The following ITGB4 variants were observed in gnomAD, a reference collection of about 807,000 sequenced individuals.
ITGB4 encodes the protein integrin beta-4.
ITGB4 carries 159 observed loss-of-function variants against 207.6 expected under a neutral mutation model. The observed-to-expected ratio is 0.77, with a 90% CI of 0.67 to 0.87. ITGB4 has a LOEUF of 0.87. ITGB4 is among the 40% of genes least tolerant of loss of function. The pLI is 0.00. For synonymous variants in ITGB4, 1,020 were observed against 1,062.7 expected, an observed-to-expected ratio of 0.96 and a Z score of 0.78; for missense variants, 2,278 against 2,546.8, an observed-to-expected ratio of 0.89 and a Z score of 2.27.
chr17:75,754,495 G>C (rs2061440329), intron 33 of ITGB4, 81 bp from the exon 34 acceptor site: 2 of 1,582,672 alleles, frequency 1.3e-6, no homozygotes, highest in Admixed American at 3.3e-5. Context: ...TGGGTGACCA[G>C]GAATGTGCAG....
chr17:75,746,833 C>T (rs988273136), intron 26 of ITGB4, among the ~76,000 whole-genome samples: 8 of 146,472 alleles, frequency 5.5e-5, no homozygotes, highest in African/African-American at 2.0e-4. Flanking sequence ...CCCAGCTACT[C>T]GGGAGGCTGA....
At position 75,727,388 on chromosome 17, in the gene ITGB4, CT is replaced by C. The variant is rs2060743097; in HGVS notation, c.163-15del. 1 of 1,613,860 alleles carries C rather than the reference CT, an allele frequency of 6.2e-7. No individual in the cohort carries two copies. On this transcript the variant is annotated splice_polypyrimidine_tract_variant and intron_variant, in intron 3 of 39. Transcript: ENST00000200181. This position sits in a 1 kb window ranked among gnomAD's most constrained non-coding sequence, Gnocchi z 6.0. Reference sequence around the variant, plus strand: ...AATGGGTGCTGCCCCCAGTGACCCCCTGTCCTTCTGGCCAGATGTTCAGGGA... The same window carrying C: ...AATGGGTGCTGCCCCCAGTGACCCCCGTCCTTCTGGCCAGATGTTCAGGGA...
intron 6 of ITGB4, among the ~76,000 whole-genome samples, 196 bp downstream of exon 6, chr17:75,728,669 C>T (rs1007127023): frequency 2.0e-5 from 3 of 152,104 alleles, no homozygotes; most frequent in African/African-American, 7.2e-5. Context: ...GGCAACATGG[C>T]AAAACCCCAT....
At chr17:75,733,385 CA>C (rs35350305) in intron 12 of ITGB4, 104 bp from the exon 13 acceptor site, 15,986 of 790,778 alleles carry the variant, frequency 0.02, 261 homozygotes, top group African/African-American at 0.1. Context: ...GACTCCGTCT[CA>C]AAAAAAAAAA....
Position 75,757,107 on chromosome 17 carries a change from G to T in ITGB4, c.5218G>T (p.Gly1740Ter). The change falls in exon 38 of 40, where the codon GGA (glycine) becomes TGA (stop). Residue 1740 changes from glycine (G) to a stop codon, truncating the protein, a stop_gained and splice_region_variant. Coordinates refer to ENST00000200181, the MANE Select transcript of ITGB4 (RefSeq NM_000213.5). LOFTEE classifies it high-confidence loss of function. ...GIITIESQDG[G>*]PFPQLGSRAG... ...CATCACCATAGAGTCCCAGGATGGA[G>T]GTAGGCACCTGTCCTTTCCTTCACC... 6.2e-7 allele frequency: 1 copy of T among 1,612,974 alleles called. No homozygotes were observed. The highest frequency in any genetic ancestry group is 1.7e-5 in the Admixed American group (1 of 60,002).
chr17:75,724,963 G>A (rs1304199235), intron 2 of ITGB4, among the ~76,000 whole-genome samples, 181 bp downstream of exon 2: 1 of 152,242 alleles, frequency 6.6e-6, no homozygotes, highest in African/African-American at 2.4e-5. Flanking sequence ...AGAGAAGCTT[G>A]AGCCCTGACC....
At chr17:75,757,350 CA>C (rs780652046) in intron 39 of ITGB4, 40 bp downstream of exon 39, 2 of 1,612,596 alleles carry the variant, frequency 1.2e-6, no homozygotes, top group East Asian at 4.5e-5. Context: ...TCTCCTGGGA[CA>C]GGGAGCTAGC....
chr17:75,743,294 A>G (rs2410801), intron 25 of ITGB4, among the ~76,000 whole-genome samples: 116,315 of 152,036 alleles, frequency 0.77, 45,389 homozygotes, highest in East Asian at 0.9. Flanking sequence ...GTGCAATGGC[A>G]CCATCTTGGC....
At chr17:75,725,886 C>T (rs1445904906) in intron 2 of ITGB4, among the ~76,000 whole-genome samples, 3 of 152,214 alleles carry the variant, frequency 2.0e-5, no homozygotes, top group African/African-American at 7.2e-5. Context: ...GTGGTCTCGC[C>T]GTGAGGCACA....
rs975646773 is a variant in ITGB4 at position 75,729,503 on chromosome 17, T to C, written c.738+67T>C. ...AGCACTTCTGGGCAAGGGCCTGAGCTGCCCCCTGGCCTGCTCTGGTGCCAG... is the reference window on the plus strand; with the variant it reads ...AGCACTTCTGGGCAAGGGCCTGAGCCGCCCCCTGGCCTGCTCTGGTGCCAG... On this transcript the variant is annotated intron_variant, in intron 7 of 39. Transcript: ENST00000200181. This position sits in a 1 kb window ranked among gnomAD's most constrained non-coding sequence, Gnocchi z 4.4. The C allele has an allele frequency of 1.3e-6, 2 of 1,533,884 alleles. No individual in the cohort carries two copies. The highest frequency in any genetic ancestry group is 1.4e-5 in the African/African-American group (1 of 73,314).
chr17:75,735,922 C>T (rs981296281), intron 13 of ITGB4, 129 bp from the exon 14 acceptor site: 20 of 837,242 alleles, frequency 2.4e-5, no homozygotes, highest in Non-Finnish European at 3.9e-5. Flanking sequence ...GAAGAGATGA[C>T]TTCTACCCCA....
chr17:75,724,811 C>T (rs777907200), intron 2 of ITGB4, 29 bp downstream of exon 2: 3 of 1,581,368 alleles, frequency 1.9e-6, no homozygotes, highest in South Asian at 1.1e-5. Flanking sequence ...GCAGCCCCCT[C>T]CTGGCAGGAT....
chr17:75,751,262 C>T (rs1435547431), intron 30 of ITGB4, 151 bp downstream of exon 30: 1 of 983,784 alleles, frequency 1.0e-6, no homozygotes, highest in African/African-American at 1.6e-5. Context: ...CCTGAGGCAT[C>T]TTTAGGGTTT....
intron 13 of ITGB4, among the ~76,000 whole-genome samples, chr17:75,734,750 T>G (rs1398499707): frequency 1.3e-5 from 2 of 152,176 alleles, no homozygotes; most frequent in Non-Finnish European, 2.9e-5. Context: ...CTGAGTGTGC[T>G]CAGAGAAACA....
intron 32 of ITGB4, 66 bp from the exon 33 acceptor site, chr17:75,753,699 C>A (rs969988812): frequency 1.8e-4 from 206 of 1,131,056 alleles, no homozygotes; most frequent in Non-Finnish European, 1.9e-4. Context: ...ACGGCCTTCC[C>A]CCGCCTGGCC....
chr17:75,742,805 G>T lies in ITGB4; in HGVS notation c.2962+44G>T. The T allele has an allele frequency of 6.4e-7, 1 of 1,563,856 alleles. No homozygotes were observed. Among genetic ancestry groups the T allele is most frequent in the South Asian group, 1.1e-5 (1 of 88,560 alleles). ...AGTGGGGAAGGCAGACGGGGGCTCG[G>T]GGGCACTGGTTCCTCCTGCTTAAGT... On this transcript the variant is annotated intron_variant, in intron 25 of 39. Transcript: ENST00000200181. This position sits in a 1 kb window ranked among gnomAD's most constrained non-coding sequence, Gnocchi z 5.9.
rs1479775424 is a variant in ITGB4, at chr17:75,732,274, C to G, written c.1454+35C>G. 1.9e-6 allele frequency: 3 copies of G among 1,597,504 alleles called. No homozygotes were observed. Among genetic ancestry groups the G allele is most frequent in the Non-Finnish European group, 2.6e-6 (3 of 1,165,274 alleles). ...GAAGGGAGTTGGGCACCCAGGACACCAGTGGCCCCTGATGGGAAAGCTGGG... is the reference window on the plus strand; with the variant it reads ...GAAGGGAGTTGGGCACCCAGGACACGAGTGGCCCCTGATGGGAAAGCTGGG... On this transcript the variant is annotated intron_variant, in intron 12 of 39. Transcript: ENST00000200181. The surrounding 1 kb of genome is among the most constrained non-coding windows in gnomAD (Gnocchi z 5.3).
intron 35 of ITGB4, 39 bp from the exon 36 acceptor site, chr17:75,756,390 A>G (rs2603507): frequency 6.2e-7 from 1 of 1,609,712 alleles, no homozygotes; most frequent in Non-Finnish European, 8.5e-7. Flanking sequence ...GGGTGGGAGT[A>G]ACACTGCACT....
intron 30 of ITGB4, chr17:75,751,715 A>T (rs820390): frequency 0.76 from 172,693 of 226,782 alleles, 67,144 homozygotes; most frequent in Non-Finnish European, 0.84. Context: ...CACTCCAGAC[A>T]GGGTGACAGA....
Sources: gnomAD v4.1 joint callset for allele counts (sites outside exome capture counted in the v4.1 genomes callset) on GRCh38, gnomAD v4.1.1 for gene constraint, Gnocchi (gnomAD v3.1) non-coding constraint, MANE v1.5 for transcripts, NCBI Gene and HGNC (gene_info 2026-07-23, HGNC 2026-07-21) for gene names.